Variants in NRG2 observed in about 807,000 individuals in gnomAD.
The protein encoded by NRG2 is pro-neuregulin-2, membrane-bound isoform.
NRG2 carries 27 observed loss-of-function variants against 73.9 expected under a neutral mutation model. The ratio of observed to expected loss-of-function variants is 0.37; its 90% CI spans 0.27 to 0.50. NRG2 has a LOEUF of 0.50. Ranked by LOEUF, NRG2 falls within the 20% of genes least tolerant of loss-of-function variation. The probability of loss-of-function intolerance (pLI) is 0.96; values close to 1 mark genes in which losing one functional copy is unlikely to be tolerated. For synonymous variants in NRG2, 532 were observed against 541.0 expected (o/e 0.98, Z 0.23); for missense variants, 1,126 against 1,210.1 (o/e 0.93, Z 1.03).
chr5:139,964,567 C>A (rs1357329407), intron 1 of NRG2, among the ~76,000 whole-genome samples: 2 of 152,228 alleles, frequency 1.3e-5, no homozygotes, highest in African/African-American at 4.8e-5. Context: ...GCCCTTTCTA[C>A]TAGGCACAAA....
At chr5:139,993,079 C>A (rs893843938) in intron 1 of NRG2, among the ~76,000 whole-genome samples, 3 of 150,888 alleles carry the variant, frequency 2.0e-5, no homozygotes, top group Non-Finnish European at 4.4e-5. Flanking sequence ...TCCAAGGTTT[C>A]TTTGAATATA....
rs113042626 is a variant in NRG2, at chr5:139,894,066, GCC to G, written c.701-6557_701-6556del. Reference sequence around the variant, plus strand: ...CATCCCAGCCCTGAGACCAGGGGGTGCCGCTGCTGCCAGCAGCTTAACCTCAT... The same window carrying G: ...CATCCCAGCCCTGAGACCAGGGGGTGGCTGCTGCCAGCAGCTTAACCTCAT... On this transcript the variant is annotated intron_variant, in intron 1 of 9. Transcript: ENST00000361474. This position sits in a 1 kb window ranked among gnomAD's most constrained non-coding sequence, Gnocchi z 5.0. Among the ~76,000 whole-genome samples, 3,800 of 152,300 alleles carry G rather than the reference GCC, an allele frequency of 0.025. 149 individuals are homozygous for G. The highest frequency in any genetic ancestry group is 0.087 in the African/African-American group (3,620 of 41,552).
chr5:139,893,210 G>A (rs1241086218), intron 1 of NRG2, among the ~76,000 whole-genome samples: 2 of 152,178 alleles, frequency 1.3e-5, no homozygotes, highest in Non-Finnish European at 2.9e-5. Context: ...ATTTTTCCAA[G>A]TCTAGAATCA....
chr5:140,031,286 C>T (rs779193554), intron 1 of NRG2, among the ~76,000 whole-genome samples: 2 of 152,088 alleles, frequency 1.3e-5, no homozygotes, highest in African/African-American at 2.4e-5. Flanking sequence ...GGTGAAGCCT[C>T]AGGTAAGAGA....
intron 1 of NRG2, among the ~76,000 whole-genome samples, chr5:139,903,602 AC>A (rs1765025909): frequency 1.3e-5 from 2 of 152,330 alleles, no homozygotes; most frequent in East Asian, 3.9e-4. Flanking sequence ...CAGGGAGGGC[AC>A]GAAAGTGGGT....
At chr5:139,854,420 C>T (rs549436502) in intron 6 of NRG2, among the ~76,000 whole-genome samples, 4 of 152,380 alleles carry the variant, frequency 2.6e-5, no homozygotes, top group African/African-American at 7.2e-5. Flanking sequence ...TTCAGAGCAC[C>T]GGCCGTATGC....
chr5:139,985,106 G>A (rs985004299), intron 1 of NRG2, among the ~76,000 whole-genome samples: 1 of 152,086 alleles, frequency 6.6e-6, no homozygotes, highest in South Asian at 2.1e-4. Flanking sequence ...TTGGGAGGCT[G>A]AGGTAGATGG....
At position 139,848,619 on chromosome 5, in the gene NRG2, A is replaced by G. The variant is rs1761192397; in HGVS notation, c.1851T>C (p.Thr617=). 6.3e-7 allele frequency: 1 copy of G among 1,577,560 alleles called. No homozygotes were observed. The highest frequency in any genetic ancestry group is 8.5e-7 in the Non-Finnish European group (1 of 1,171,608). Residue 617 remains threonine (T), a synonymous_variant, in exon 10 of 10, where the codon ACT becomes ACC. Transcript: ENST00000361474. ...FHYSLATQVP[T]FEITSPNSAH... ...CCGAGTTGGGGGACGTGATCTCGAA[A>G]GTTGGCACCTGCGTGGCCAGCGAGT...
chr5:139,848,044 G>A lies in NRG2; in HGVS notation c.2426C>T (p.Ser809Leu), dbSNP rs567807950. Residue 809 changes from serine to leucine, a missense_variant, in exon 10 of 10, where the codon TCG becomes TTG. By Grantham distance (145) the Ser-to-Leu change is moderately radical. Transcript: ENST00000361474. ...GTCGGCCGCCGGGCACAGTGGCGGC[G>A]AGTCCGAGCGCAGCGCGTCGTGCGC... ...RGAHDALRSDSPPLCPAADSR... is the reference protein window; with the variant it reads ...RGAHDALRSDLPPLCPAADSR... 1.3e-6 allele frequency: 2 copies of A among 1,507,136 alleles called. No homozygotes were observed. The highest frequency in any genetic ancestry group is 2.1e-5 in the Admixed American group (1 of 47,414). The allele number at this position is 1,507,136 out of a possible 1,614,324, so 93.4% of individuals were successfully genotyped here. A position where few individuals can be genotyped will look rare whatever the true frequency, so the allele number is the denominator to read the frequency against.
chr5:139,924,302 A>C (rs954133987), intron 1 of NRG2, among the ~76,000 whole-genome samples: 1 of 152,224 alleles, frequency 6.6e-6, no homozygotes, highest in African/African-American at 2.4e-5. Flanking sequence ...AGCGTTGATA[A>C]GAATAAATCT....
At chr5:139,899,980 A>G (rs889903079) in intron 1 of NRG2, among the ~76,000 whole-genome samples, 1 of 152,232 alleles carries the variant, frequency 6.6e-6, no homozygotes, top group African/African-American at 2.4e-5. Context: ...CCTATACTTT[A>G]TAGTATCAGT....
At chr5:140,004,923 A>G (rs1561746039) in intron 1 of NRG2, among the ~76,000 whole-genome samples, 1 of 152,224 alleles carries the variant, frequency 6.6e-6, no homozygotes, top group East Asian at 1.9e-4. Flanking sequence ...AACTCTCTGT[A>G]CTATTTTTTG....
chr5:139,963,387 C>T (rs1356506175), intron 1 of NRG2, among the ~76,000 whole-genome samples: 2 of 152,162 alleles, frequency 1.3e-5, no homozygotes, highest in East Asian at 1.9e-4. Flanking sequence ...AGGCATCAGG[C>T]CCTGGGGGAA....
At chr5:140,012,112 C>T (rs1318418851) in intron 1 of NRG2, among the ~76,000 whole-genome samples, 4 of 152,194 alleles carry the variant, frequency 2.6e-5, no homozygotes, top group Non-Finnish European at 4.4e-5. Flanking sequence ...TCATCTTTAT[C>T]CCTTTGCACA....
intron 1 of NRG2, among the ~76,000 whole-genome samples, chr5:140,011,064 G>A (rs780508183): frequency 2.0e-5 from 3 of 152,170 alleles, no homozygotes; most frequent in Admixed American, 6.5e-5. Flanking sequence ...TAAACAGGTC[G>A]CTTTCTTATA....
chr5:139,851,824 T>C lies in NRG2; in HGVS notation c.1552A>G (p.Ser518Gly). 4 of 1,614,068 alleles carry C rather than the reference T, an allele frequency of 2.5e-6. No individual in the cohort carries two copies. The highest frequency in any genetic ancestry group is 4.5e-5 in the East Asian group (2 of 44,870). Reference sequence around the variant, plus strand: ...GAACGTTCCAGGCTCCACGTGTGGCTCTCGTGTCTGGGAAGGCCAGATGGG... The same window carrying C: ...GAACGTTCCAGGCTCCACGTGTGGCCCTCGTGTCTGGGAAGGCCAGATGGG... ...ATPTSSHRHE[S>G]HTWSLERSES... Residue 518 changes from serine (S) to glycine (G), a missense_variant, in exon 9 of 10, where the codon AGC becomes GGC. This residue lies in a region of NRG2 where 539 missense variants were observed against 703.2 expected (regional missense o/e 0.77). Transcript: ENST00000361474. The surrounding 1 kb of genome is among the most constrained non-coding windows in gnomAD (Gnocchi z 4.2).
chr5:139,912,959 C>T (rs1750953524), intron 1 of NRG2, among the ~76,000 whole-genome samples: 1 of 152,208 alleles, frequency 6.6e-6, no homozygotes, highest in African/African-American at 2.4e-5. Flanking sequence ...GACCTTTGTT[C>T]CTTGCCATCA....
chr5:139,941,888 T>G (rs934738895), intron 1 of NRG2, among the ~76,000 whole-genome samples: 20 of 152,336 alleles, frequency 1.3e-4, no homozygotes, highest in African/African-American at 3.8e-4. Flanking sequence ...CAGCTTGACA[T>G]GATTTGTGAT....
intron 9 of NRG2, 115 bp from the exon 10 acceptor site, chr5:139,848,812 C>T (rs559256286): frequency 5.5e-4 from 509 of 929,068 alleles, no homozygotes; most frequent in Admixed American, 1.0e-3. Context: ...TAACCTTGCC[C>T]GAGACCCCGC....
Sources: allele counts gnomAD v4.1 joint callset (sites outside exome capture counted in the v4.1 genomes callset), GRCh38; gene constraint gnomAD v4.1.1; regional missense constraint gnomAD v4.1.1; non-coding constraint Gnocchi (gnomAD v3.1); transcripts MANE v1.5; gene names NCBI Gene and HGNC (gene_info 2026-07-23, HGNC 2026-07-21).